LRRC4C: variants seen among roughly 807,000 people sequenced by gnomAD.
The protein encoded by LRRC4C is leucine-rich repeat-containing protein 4C.
In LRRC4C, 5 loss-of-function variants were observed where a neutral mutation model predicts 33.6. The ratio of observed to expected loss-of-function variants is 0.15; its 90% CI spans 0.08 to 0.31. LRRC4C has a LOEUF of 0.31. LRRC4C is among the 10% of genes least tolerant of loss of function. The pLI is 1.00. For missense variants in LRRC4C, 560 were observed against 796.7 expected, an observed-to-expected ratio of 0.70 and a Z score of 3.58; for synonymous variants, 329 against 302.0, an observed-to-expected ratio of 1.09 and a Z score of -0.93.
intron 1 of LRRC4C, among the ~76,000 whole-genome samples, chr11:41,080,279 C>A (rs1346473954): frequency 6.7e-6 from 1 of 148,992 alleles, no homozygotes; most frequent in Non-Finnish European, 1.5e-5. Context: ...GCACTAATTA[C>A]AATTGCATAA....
At chr11:41,184,475 T>C (rs1010676809) in intron 1 of LRRC4C, among the ~76,000 whole-genome samples, 1 of 152,186 alleles carries the variant, frequency 6.6e-6, no homozygotes, top group African/African-American at 2.4e-5. Flanking sequence ...CACCAGTTTA[T>C]TTGCTAAACA....
intron 1 of LRRC4C, among the ~76,000 whole-genome samples, chr11:41,090,082 G>A (rs1267851133): frequency 6.6e-6 from 1 of 152,034 alleles, no homozygotes; most frequent in African/African-American, 2.4e-5. Context: ...TTAGGGAAAG[G>A]AATAGTATTG....
At chr11:40,744,927 T>C (rs931513203) in intron 2 of LRRC4C, among the ~76,000 whole-genome samples, 1 of 152,126 alleles carries the variant, frequency 6.6e-6, no homozygotes, top group Non-Finnish European at 1.5e-5. Flanking sequence ...CAGTAACATA[T>C]AAACATAGGC....
chr11:40,524,999 A>G (rs1955980521), intron 3 of LRRC4C, among the ~76,000 whole-genome samples: 1 of 152,188 alleles, frequency 6.6e-6, no homozygotes, highest in South Asian at 2.1e-4. Context: ...GCTTAGATAT[A>G]AAGAATGGGT....
At chr11:40,409,967 AT>A (rs915880543) in intron 3 of LRRC4C, among the ~76,000 whole-genome samples, 2 of 152,134 alleles carry the variant, frequency 1.3e-5, no homozygotes, top group African/African-American at 2.4e-5. Context: ...AATATCTACA[AT>A]TTTATTAGTC....
At chr11:41,037,387 T>C (rs1002587093) in intron 1 of LRRC4C, among the ~76,000 whole-genome samples, 3 of 152,088 alleles carry the variant, frequency 2.0e-5, no homozygotes, top group African/African-American at 7.2e-5. Context: ...TCACCTAGGC[T>C]AGAGTGCAGT....
At chr11:40,244,018 C>T (rs889715719) in intron 4 of LRRC4C, among the ~76,000 whole-genome samples, 50 of 152,044 alleles carry the variant, frequency 3.3e-4, no homozygotes, top group African/African-American at 1.2e-3. Context: ...TATCTATTAA[C>T]CAATCATCAC....
intron 3 of LRRC4C, among the ~76,000 whole-genome samples, chr11:40,388,189 A>G (rs1949189295): frequency 6.6e-6 from 1 of 152,094 alleles, no homozygotes; most frequent in African/African-American, 2.4e-5. Context: ...TCCCTTTATA[A>G]AAAGGGGCAA....
At chr11:41,366,566 A>AACTTT (rs1293659599) in intron 1 of LRRC4C, among the ~76,000 whole-genome samples, 19 of 152,178 alleles carry the variant, frequency 1.2e-4, no homozygotes, top group African/African-American at 4.3e-4. Flanking sequence ...AGTTAAATAG[A>AACTTT]GATATTATAA....
At chr11:40,517,256 T>C (rs911854354) in intron 3 of LRRC4C, among the ~76,000 whole-genome samples, 3 of 152,152 alleles carry the variant, frequency 2.0e-5, no homozygotes, top group Non-Finnish European at 2.9e-5. Context: ...CCATCTTACA[T>C]AGATATATGT....
chr11:40,125,016 T>C lies in LRRC4C; in HGVS notation c.-42-8682A>G, dbSNP rs551894370. 5.5e-4 allele frequency among the ~76,000 whole-genome samples: 84 copies of C among 152,078 alleles called. No individual in the cohort carries two copies. In the South Asian group the frequency reaches 7.7e-3, roughly 14 times the overall value. On this transcript the variant is annotated intron_variant, in intron 6 of 6. Coordinates refer to ENST00000528697, the MANE Select transcript of LRRC4C (RefSeq NM_001258419.2). ...ATTCTATTTCCTAACCATTTAAAAATTCACAAACATTCTTAGCTCACAGGG... is the reference window on the plus strand; with the variant it reads ...ATTCTATTTCCTAACCATTTAAAAACTCACAAACATTCTTAGCTCACAGGG...
intron 1 of LRRC4C, among the ~76,000 whole-genome samples, chr11:41,320,145 A>G (rs1333337286): frequency 2.0e-5 from 3 of 152,230 alleles, no homozygotes; most frequent in Admixed American, 2.0e-4. Flanking sequence ...CAATTTATAT[A>G]GTTATTCTTG....
At chr11:40,462,043 A>C (rs1366848790) in intron 3 of LRRC4C, among the ~76,000 whole-genome samples, 1 of 151,974 alleles carries the variant, frequency 6.6e-6, no homozygotes, top group African/African-American at 2.4e-5. Flanking sequence ...TAATATCTCT[A>C]AATTTCTTTG....
chr11:41,084,080 T>A (rs1939778462), intron 1 of LRRC4C, among the ~76,000 whole-genome samples: 1 of 152,168 alleles, frequency 6.6e-6, no homozygotes, highest in Admixed American at 6.5e-5. Flanking sequence ...AGTGAGCTAA[T>A]ACCTGTAGGG....
intron 1 of LRRC4C, among the ~76,000 whole-genome samples, chr11:41,124,043 A>G (rs1025417154): frequency 1.3e-5 from 2 of 152,186 alleles, no homozygotes; most frequent in Admixed American, 1.3e-4. Context: ...ACAGTTTCAC[A>G]TAGAAACAAC....
intron 2 of LRRC4C, among the ~76,000 whole-genome samples, chr11:40,707,636 A>G (rs558744806): frequency 5.9e-5 from 9 of 152,006 alleles, no homozygotes; most frequent in Non-Finnish European, 1.2e-4. Context: ...GGATTTTTGC[A>G]TCGATGTTCA....
intron 2 of LRRC4C, among the ~76,000 whole-genome samples, chr11:40,661,812 C>T (rs1943454312): frequency 6.6e-6 from 1 of 152,170 alleles, no homozygotes; most frequent in African/African-American, 2.4e-5. Flanking sequence ...ATCCTGTGAG[C>T]TTGATTCTTT....
chr11:40,219,750 G>C (rs1300351364), intron 5 of LRRC4C, among the ~76,000 whole-genome samples: 1 of 151,722 alleles, frequency 6.6e-6, no homozygotes, highest in Non-Finnish European at 1.5e-5. Flanking sequence ...TTGGGGGGGT[G>C]GATATAGATC....
At chr11:40,894,377 CGTTAA>C (rs1301509056) in intron 2 of LRRC4C, among the ~76,000 whole-genome samples, 1 of 152,022 alleles carries the variant, frequency 6.6e-6, no homozygotes, top group Admixed American at 6.6e-5. Context: ...GATGTTCCAG[CGTTAA>C]GTTTTCTTAG....
Sources: gnomAD v4.1 joint callset for allele counts (sites outside exome capture counted in the v4.1 genomes callset) on GRCh38, gnomAD v4.1.1 for gene constraint, MANE v1.5 for transcripts, NCBI Gene and HGNC (gene_info 2026-07-23, HGNC 2026-07-21) for gene names.